Variants in LRP6 observed in about 807,000 individuals in gnomAD.
LRP6 encodes the protein LDL receptor related protein 6, also known as low-density lipoprotein receptor-related protein 6.
In LRP6, 43 loss-of-function variants were observed where a neutral mutation model predicts 184.1. The observed-to-expected ratio is 0.23, with a 90% CI of 0.18 to 0.30. The LOEUF (loss-of-function observed/expected upper bound fraction) is 0.30. Among genes scored for constraint, LRP6 ranks in the 10% least tolerant of loss-of-function variants. LRP6 has a pLI of 1.00. For synonymous variants in LRP6, 719 were observed against 684.9 expected (o/e 1.05, Z -0.78); for missense variants, 1,571 against 2,005.3 (o/e 0.78, Z 4.14).
intron 12 of LRP6, chr12:12,155,283 A>C: frequency 2.7e-6 from 2 of 751,184 alleles, no homozygotes; most frequent in South Asian, 2.7e-5. Flanking sequence ...AAAGGGAAAG[A>C]GGAGAGGCAC....
chr12:12,185,877 T>C (rs983023296), intron 4 of LRP6, among the ~76,000 whole-genome samples: 8 of 151,478 alleles, frequency 5.3e-5, no homozygotes, highest in African/African-American at 1.9e-4. Flanking sequence ...ATAATTTCTT[T>C]CTTGTTGCCC....
rs962659998 is a variant in LRP6 at position 12,248,788 on chromosome 12, T to C, written c.56-4133A>G. Reference sequence around the variant, plus strand: ...AGCCACTGCGCCCAGCCTCTCAGTCTTTATTCTTAACACCTCTAGAGCAGT... The same window carrying C: ...AGCCACTGCGCCCAGCCTCTCAGTCCTTATTCTTAACACCTCTAGAGCAGT... On this transcript the variant is annotated intron_variant, in intron 1 of 22. Transcript: ENST00000261349. Among the ~76,000 whole-genome samples the C allele has an allele frequency of 6.6e-5, 10 of 152,254 alleles. 1 individual carries two copies. Among genetic ancestry groups the C allele is most frequent in the Middle Eastern group, 3.4e-3 (1 of 294 alleles).
At chr12:12,155,332 T>A in intron 12 of LRP6, 6 of 758,458 alleles carry the variant, frequency 7.9e-6, no homozygotes, top group South Asian at 6.7e-5. Context: ...AAGCATGGAG[T>A]TGTTCCTTTG....
chr12:12,152,680 C>CT (rs1481901661), intron 12 of LRP6, among the ~76,000 whole-genome samples: 1 of 152,170 alleles, frequency 6.6e-6, no homozygotes, highest in Non-Finnish European at 1.5e-5. Flanking sequence ...TAATTATACT[C>CT]TATTTTCTTA....
rs965653817 is a variant in LRP6 at position 12,120,566 on chromosome 12, C to T, written c.*560G>A. ...GAAATATCTACTTTCCTCACTAGCA[C>T]TGTTGGATTCCTAGAGAAAACAAAG... On this transcript the variant is annotated 3_prime_UTR_variant, in exon 23 of 23. Transcript: ENST00000261349. 1 of 152,374 alleles carries T rather than the reference C, an allele frequency of 6.6e-6. No individual in the cohort carries two copies. The highest frequency in any genetic ancestry group is 2.1e-4 in the South Asian group (1 of 4,828). The allele number at this position is 152,374 out of a possible 1,614,324, so 9.4% of individuals were successfully genotyped here. A position where few individuals can be genotyped will look rare whatever the true frequency, so the allele number is the denominator to read the frequency against.
intron 4 of LRP6, 81 bp downstream of exon 4, chr12:12,186,842 C>T: frequency 3.3e-6 from 4 of 1,209,262 alleles, no homozygotes; most frequent in Non-Finnish European, 3.7e-6. Flanking sequence ...GCCCTCCCTC[C>T]TCCTGATCCT....
At chr12:12,252,707 T>A (rs1210703903) in intron 1 of LRP6, among the ~76,000 whole-genome samples, 1 of 152,220 alleles carries the variant, frequency 6.6e-6, no homozygotes, top group Non-Finnish European at 1.5e-5. Context: ...GGTTGGCTAA[T>A]GGTTCTCAGT....
chr12:12,265,194 T>C (rs558222618), intron 1 of LRP6, among the ~76,000 whole-genome samples: 1 of 151,768 alleles, frequency 6.6e-6, no homozygotes, highest in South Asian at 2.1e-4. Flanking sequence ...CCCCTTTCAA[T>C]AGAGTATGCC....
At chr12:12,150,092 C>T (rs1474529578) in intron 13 of LRP6, among the ~76,000 whole-genome samples, 3 of 152,080 alleles carry the variant, frequency 2.0e-5, no homozygotes, top group African/African-American at 2.4e-5. Context: ...ATACAACTTA[C>T]GATCACTGCT....
At chr12:12,261,683 A>G (rs80297812) in intron 1 of LRP6, among the ~76,000 whole-genome samples, 142 of 152,326 alleles carry the variant, frequency 9.3e-4, no homozygotes, top group African/African-American at 3.2e-3. Flanking sequence ...ATGTGTTAAC[A>G]TGAATTCTAA....
At chr12:12,263,679 T>C (rs1865684967) in intron 1 of LRP6, among the ~76,000 whole-genome samples, 1 of 150,630 alleles carries the variant, frequency 6.6e-6, no homozygotes, top group Non-Finnish European at 1.5e-5. Flanking sequence ...TCTGGCTCTA[T>C]AAAAATTAGC....
chr12:12,218,650 G>T (rs1345083364), intron 2 of LRP6, among the ~76,000 whole-genome samples: 1 of 151,804 alleles, frequency 6.6e-6, no homozygotes, highest in Non-Finnish European at 1.5e-5. Flanking sequence ...ACACCCACTA[G>T]GATGGTTATA....
rs869320644 is a variant in LRP6 at position 12,149,153 on chromosome 12, C to G, written c.2995G>C (p.Gly999Arg). 1.2e-6 allele frequency: 2 copies of G among 1,613,170 alleles called. No individual in the cohort carries two copies. The highest frequency in any genetic ancestry group is 1.7e-6 in the Non-Finnish European group (2 of 1,179,378). ...IRKAQEDGSQ[G>R]FTVVVSSVPS... Reference sequence around the variant, plus strand: ...ACTGAGCTCACAACCACAGTAAAGCCCTAGGGAAAAAAAGAAATACAGAGA... The same window carrying G: ...ACTGAGCTCACAACCACAGTAAAGCGCTAGGGAAAAAAAGAAATACAGAGA... Residue 999 changes from glycine (G) to arginine (R), a missense_variant and splice_region_variant, in exon 14 of 23, where the codon GGC (glycine) becomes CGC (arginine). By Grantham distance (125) the Gly-to-Arg change is moderately radical. This residue lies in a region of LRP6 where 763 missense variants were observed against 859.5 expected (regional missense o/e 0.89). Transcript: ENST00000261349.
chr12:12,206,978 C>T (rs1864077622), intron 2 of LRP6, among the ~76,000 whole-genome samples: 1 of 151,854 alleles, frequency 6.6e-6, no homozygotes, highest in African/African-American at 2.4e-5. Flanking sequence ...CAAAAACTGA[C>T]CAAAGGTCAT....
At chr12:12,177,377 A>G (rs1863217825) in intron 7 of LRP6, among the ~76,000 whole-genome samples, 1 of 152,184 alleles carries the variant, frequency 6.6e-6, no homozygotes, top group Non-Finnish European at 1.5e-5. Flanking sequence ...CTTCTTGGAA[A>G]AAGAGGGATT....
intron 1 of LRP6, among the ~76,000 whole-genome samples, chr12:12,254,002 G>T (rs1865395610): frequency 6.6e-6 from 1 of 151,856 alleles, no homozygotes; most frequent in Non-Finnish European, 1.5e-5. Context: ...AAATTAGCTG[G>T]GTATGGTCGC....
Position 12,165,082 on chromosome 12 carries a change from T to C in LRP6, c.1759A>G (p.Ile587Val). Reference sequence around the variant, plus strand: ...AGAAAGCTTTGGAGTTACTCACCAATCACTCGATGAACATTTGTAGCCTTT... The same window carrying C: ...AGAAAGCTTTGGAGTTACTCACCAACCACTCGATGAACATTTGTAGCCTTT... ...GLKATNVHRV[I>V]GSNPCAEENG... Residue 587 changes from isoleucine to valine, a missense_variant, in exon 8 of 23, where the codon ATT (isoleucine) becomes GTT (valine). Coordinates refer to ENST00000261349, the MANE Select transcript of LRP6 (RefSeq NM_002336.3). 1.9e-6 allele frequency: 3 copies of C among 1,611,556 alleles called. No individual in the cohort carries two copies. Among genetic ancestry groups the C allele is most frequent in the Non-Finnish European group, 2.5e-6 (3 of 1,177,780 alleles).
Position 12,126,936 on chromosome 12 carries a change from G to A in LRP6, c.4082-15C>T, listed in dbSNP as rs113748179. The stretch of plus-strand genomic sequence containing the variant: ...TTCAGTCGGATCTACAATGAAGAAT[G>A]CAGTATGGTTATTTAATAGAAAAAC... On this transcript the variant is annotated splice_polypyrimidine_tract_variant and intron_variant, in intron 19 of 22. Coordinates refer to ENST00000261349, the MANE Select transcript of LRP6 (RefSeq NM_002336.3). 1.3e-6 allele frequency: 2 copies of A among 1,587,602 alleles called. No individual in the cohort carries two copies. The highest frequency in any genetic ancestry group is 1.7e-5 in the Admixed American group (1 of 59,964).
At chr12:12,248,452 TC>T (rs1865241548) in intron 1 of LRP6, among the ~76,000 whole-genome samples, 1 of 148,946 alleles carries the variant, frequency 6.7e-6, no homozygotes, top group Non-Finnish European at 1.5e-5. Flanking sequence ...AATCCAGTGG[TC>T]TTTTCTCAGT....
Sources: gnomAD v4.1 joint callset for allele counts (sites outside exome capture counted in the v4.1 genomes callset) on GRCh38, gnomAD v4.1.1 for gene constraint, gnomAD v4.1.1 regional missense constraint, MANE v1.5 for transcripts, NCBI Gene and HGNC (gene_info 2026-07-23, HGNC 2026-07-21) for gene names.